Variants in KAZN observed in about 807,000 individuals in gnomAD.
KAZN encodes the protein kazrin, periplakin interacting protein, also known as kazrin.
A neutral mutation model predicts 87.4 loss-of-function variants in KAZN; 40 were observed. The ratio of observed to expected loss-of-function variants is 0.46; its 90% CI spans 0.36 to 0.60. The LOEUF is 0.60. Among genes scored for constraint, KAZN ranks in the 20% least tolerant of loss-of-function variants. The pLI, the probability that KAZN is intolerant of heterozygous loss-of-function variation, is 0.00. For synonymous variants in KAZN, 466 were observed against 458.3 expected (o/e 1.02, Z -0.22); for missense variants, 898 against 1,073.9 (o/e 0.84, Z 2.29).
intron 2 of KAZN, among the ~76,000 whole-genome samples, chr1:14,519,743 G>T (rs1671485381): frequency 6.6e-6 from 1 of 152,170 alleles, no homozygotes; most frequent in Non-Finnish European, 1.5e-5. Flanking sequence ...AAGAGACTTT[G>T]GGGGATTCCA....
At chr1:14,608,767 T>C (rs1465735097) in intron 1 of KAZN, among the ~76,000 whole-genome samples, 1 of 152,222 alleles carries the variant, frequency 6.6e-6, no homozygotes, top group East Asian at 1.9e-4. Context: ...AGCTCACCCG[T>C]TGTATCATCT....
chr1:14,269,360 C>T (rs1167094062), intron 2 of KAZN, among the ~76,000 whole-genome samples: 3 of 152,072 alleles, frequency 2.0e-5, no homozygotes, highest in East Asian at 1.9e-4. Flanking sequence ...AATAGGATGG[C>T]TTCTGAACAC....
intron 2 of KAZN, among the ~76,000 whole-genome samples, chr1:14,354,645 GACACACAC>G (rs71570202): frequency 1.3e-3 from 178 of 141,458 alleles, no homozygotes; most frequent in African/African-American, 2.7e-3. Flanking sequence ...AGCTAAATTA[GACACACAC>G]ACACACACAC....
At chr1:14,839,364 A>G (rs1441733648) in intron 1 of KAZN, among the ~76,000 whole-genome samples, 2 of 152,148 alleles carry the variant, frequency 1.3e-5, no homozygotes, top group East Asian at 3.9e-4. Flanking sequence ...TGTGAGGATT[A>G]AGTTAGGGTA....
chr1:14,913,631 T>TG (rs1394604422), intron 1 of KAZN, among the ~76,000 whole-genome samples: 3 of 152,246 alleles, frequency 2.0e-5, no homozygotes, highest in Admixed American at 1.3e-4. Flanking sequence ...TGGCCCATGC[T>TG]GGGGCCACTG....
At chr1:14,635,824 C>T (rs1341544621) in intron 1 of KAZN, among the ~76,000 whole-genome samples, 1 of 152,186 alleles carries the variant, frequency 6.6e-6, no homozygotes, top group Non-Finnish European at 1.5e-5. Flanking sequence ...ACACCTAAGA[C>T]AGTGCACATG....
At chr1:14,682,136 C>T (rs1159867304) in intron 1 of KAZN, among the ~76,000 whole-genome samples, 1 of 152,268 alleles carries the variant, frequency 6.6e-6, no homozygotes, top group Middle Eastern at 3.4e-3. Flanking sequence ...TTCCCCCTTC[C>T]TTCCAGGCCC....
Position 14,157,894 on chromosome 1 carries a change from G to A in KAZN, c.92-22541G>A, listed in dbSNP as rs76768957. Among the ~76,000 whole-genome samples the A allele has an allele frequency of 6.3e-3, 965 of 152,244 alleles. 10 individuals are homozygous for A. Among genetic ancestry groups the A allele is most frequent in the African/African-American group, 0.021 (888 of 41,548 alleles). On this transcript the variant is annotated intron_variant, in intron 1 of 16. Coordinates refer to the KAZN transcript ENST00000636203. ...CAGGATGCAAGAAAGAAGAGAAAGC[G>A]AAGGGGAAAGAGCCCTTATAAAACC...
At chr1:13,919,978 C>T (rs1334652281) in intron 1 of KAZN, among the ~76,000 whole-genome samples, 1 of 152,052 alleles carries the variant, frequency 6.6e-6, no homozygotes, top group Non-Finnish European at 1.5e-5. Context: ...TATGAATATC[C>T]TATTGACCCA....
chr1:14,136,852 A>G (rs575209222), intron 1 of KAZN, among the ~76,000 whole-genome samples: 7 of 152,240 alleles, frequency 4.6e-5, no homozygotes. Flanking sequence ...GCCCTGCTGG[A>G]GTGCATGGGG....
intron 1 of KAZN, among the ~76,000 whole-genome samples, chr1:14,050,631 G>A (rs926438319): frequency 1.3e-5 from 2 of 152,104 alleles, no homozygotes; most frequent in Non-Finnish European, 2.9e-5. Flanking sequence ...TCCCTCCCTC[G>A]ACATGTGGGG....
At chr1:14,747,112 G>A (rs1383943760) in intron 1 of KAZN, among the ~76,000 whole-genome samples, 6 of 152,000 alleles carry the variant, frequency 3.9e-5, no homozygotes, top group South Asian at 2.1e-4. Flanking sequence ...CTTCTTTCAC[G>A]TAACATATTG....
chr1:15,107,191 C>G (rs960072788), intron 13 of KAZN, among the ~76,000 whole-genome samples: 2 of 152,196 alleles, frequency 1.3e-5, no homozygotes, highest in African/African-American at 4.8e-5. Flanking sequence ...CATTGAACAC[C>G]TGCTGTGAGC....
intron 2 of KAZN, among the ~76,000 whole-genome samples, chr1:14,377,624 C>T (rs537009526): frequency 1.2e-3 from 183 of 152,274 alleles, no homozygotes; most frequent in African/African-American, 4.2e-3. Context: ...CATTGGCAAG[C>T]TTTACTGGGC....
chr1:14,330,729 GA>G (rs964750328), intron 2 of KAZN, among the ~76,000 whole-genome samples: 58 of 149,820 alleles, frequency 3.9e-4, no homozygotes, highest in African/African-American at 9.5e-4. Flanking sequence ...CAAGCAACTG[GA>G]AAAAAAAAAT....
In KAZN at chr1:15,094,258, AGGTGGAGCT is replaced by A; in HGVS notation, c.1306_1314del (p.Glu436_Val438del). ...GAGGAGCAGATGGACCGGCTGCAGC[AGGTGGAGCT>A]GGTGAGGACCACCCCTATGTCCCAC... On this transcript the variant is annotated inframe_deletion, in exon 9 of 15. Transcript: ENST00000376030. This position sits in a 1 kb window ranked among gnomAD's most constrained non-coding sequence, Gnocchi z 4.5. The A allele has an allele frequency of 6.2e-7, 1 of 1,613,944 alleles. No homozygotes were observed. The highest frequency in any genetic ancestry group is 1.1e-5 in the South Asian group (1 of 91,082).
At chr1:15,029,052 A>G (rs1671433424) in intron 2 of KAZN, among the ~76,000 whole-genome samples, 1 of 152,210 alleles carries the variant, frequency 6.6e-6, no homozygotes, top group South Asian at 2.1e-4. Flanking sequence ...GGGCTTATAA[A>G]GAAAACTAGA....
rs1392289675 is a variant in KAZN, at chr1:14,334,854, C to CA, written c.249+154263dup. On this transcript the variant is annotated intron_variant, in intron 2 of 16. Coordinates refer to the KAZN transcript ENST00000636203. ...GACAGACACAGGACAAACGCAGAGGCAGACAGAGACACAGACAGATGCAGA... is the reference window on the plus strand; with the variant it reads ...GACAGACACAGGACAAACGCAGAGGCAAGACAGAGACACAGACAGATGCAGA... 1.6e-4 allele frequency among the ~76,000 whole-genome samples: 25 copies of CA among 152,170 alleles called. No homozygotes were observed. In the South Asian group the frequency reaches 4.8e-3, roughly 29 times the overall value.
At chr1:14,682,098 G>A (rs10803299) in intron 1 of KAZN, among the ~76,000 whole-genome samples, 73,039 of 151,264 alleles carry the variant, frequency 0.48, 17,788 homozygotes, top group South Asian at 0.56. Flanking sequence ...TCAAAGAGCA[G>A]CTATCCCCAT....
Sources: allele counts gnomAD v4.1 joint callset (sites outside exome capture counted in the v4.1 genomes callset), GRCh38; gene constraint gnomAD v4.1.1; non-coding constraint Gnocchi (gnomAD v3.1); transcripts MANE v1.5; gene names NCBI Gene and HGNC (gene_info 2026-07-23, HGNC 2026-07-21).